The following ADAMTS18 variants were observed in gnomAD, a reference collection of about 807,000 sequenced individuals.
ADAMTS18 encodes ADAM metallopeptidase with thrombospondin type 1 motif 18, also known as A disintegrin and metalloproteinase with thrombospondin motifs 18.
A neutral mutation model predicts 165.9 loss-of-function variants in ADAMTS18; 157 were observed. The ratio of observed to expected loss-of-function variants is 0.95; its 90% CI spans 0.83 to 1.08. The LOEUF is 1.08. Ranked by LOEUF, ADAMTS18 falls within the 50% of genes least tolerant of loss-of-function variation. The pLI is 0.00. For missense variants in ADAMTS18, 2,040 were observed against 1,534.0 expected, an observed-to-expected ratio of 1.33 and a Z score of -5.51; for synonymous variants, 782 against 578.2, an observed-to-expected ratio of 1.35 and a Z score of -5.06.
chr16:77,357,318 T>C (rs1343891010), intron 8 of ADAMTS18, among the ~76,000 whole-genome samples: 4 of 152,160 alleles, frequency 2.6e-5, no homozygotes, highest in Non-Finnish European at 4.4e-5. Flanking sequence ...GGCAACTGTA[T>C]GCTATCCTAT....
At position 77,283,635 on chromosome 16, in the gene ADAMTS18, C is replaced by T. The variant is rs947531862; in HGVS notation, c.*321G>A. ...CTTTGCCCTTGAACCCTTTGAAGTT[C>T]AAAAGGGGGTCTCTCCCCAAATCGA... On this transcript the variant is annotated 3_prime_UTR_variant, in exon 23 of 23. Transcript: ENST00000282849. 3.1e-6 allele frequency: 1 copy of T among 323,996 alleles called. No individual in the cohort carries two copies. The highest frequency in any genetic ancestry group is 5.9e-6 in the Non-Finnish European group (1 of 168,914). The allele number at this position is 323,996 out of a possible 1,614,324, so 20.1% of individuals were successfully genotyped here.
At chr16:77,426,725 A>C (rs117384511) in intron 3 of ADAMTS18, among the ~76,000 whole-genome samples, 1 of 152,200 alleles carries the variant, frequency 6.6e-6, no homozygotes, top group South Asian at 2.1e-4. Flanking sequence ...TAGTTGTCCA[A>C]TGAAAAAAGG....
chr16:77,315,228 A>C (rs1204492259), intron 16 of ADAMTS18, among the ~76,000 whole-genome samples: 1 of 152,134 alleles, frequency 6.6e-6, no homozygotes, highest in African/African-American at 2.4e-5. Flanking sequence ...TTGAAATCTG[A>C]ATAATAGATT....
At chr16:77,403,811 A>G (rs1432167558) in intron 3 of ADAMTS18, among the ~76,000 whole-genome samples, 4 of 152,320 alleles carry the variant, frequency 2.6e-5, no homozygotes, top group Non-Finnish European at 5.9e-5. Flanking sequence ...TAACCAAGGA[A>G]TCACACAATT....
At chr16:77,323,639 C>T (rs1036833556) in intron 13 of ADAMTS18, among the ~76,000 whole-genome samples, 7 of 151,484 alleles carry the variant, frequency 4.6e-5, no homozygotes, top group Non-Finnish European at 1.0e-4. Flanking sequence ...GGGAAAAAAC[C>T]TCACTCCTGT....
At chr16:77,371,771 G>C (rs1286571544) in intron 3 of ADAMTS18, among the ~76,000 whole-genome samples, 2 of 152,058 alleles carry the variant, frequency 1.3e-5, no homozygotes, top group Non-Finnish European at 2.9e-5. Context: ...ACAGAGAAAT[G>C]GAAGTGTATC....
chr16:77,415,197 A>C (rs1772143814), intron 3 of ADAMTS18, among the ~76,000 whole-genome samples: 2 of 152,256 alleles, frequency 1.3e-5, no homozygotes, highest in Admixed American at 6.5e-5. Flanking sequence ...TCTACCTGTC[A>C]GCCAGTATAT....
At chr16:77,365,271 T>C (rs1380214731) in intron 4 of ADAMTS18, among the ~76,000 whole-genome samples, 1 of 152,226 alleles carries the variant, frequency 6.6e-6, no homozygotes, top group East Asian at 1.9e-4. Context: ...AAAATGCTCA[T>C]TTTACTACTC....
At chr16:77,300,042 G>T (rs1426299455) in intron 17 of ADAMTS18, 61 of 517,450 alleles carry the variant, frequency 1.2e-4, no homozygotes, top group Non-Finnish European at 1.1e-4. Context: ...TGTAACTTTT[G>T]AGCCTTGGTT....
intron 3 of ADAMTS18, among the ~76,000 whole-genome samples, chr16:77,373,364 C>T (rs2056903347): frequency 1.3e-5 from 2 of 151,212 alleles, no homozygotes; most frequent in African/African-American, 4.9e-5. Flanking sequence ...GAGGCTGAGG[C>T]AGGACAATCG....
At chr16:77,431,031 T>G (rs2057732578) in intron 3 of ADAMTS18, among the ~76,000 whole-genome samples, 1 of 152,020 alleles carries the variant, frequency 6.6e-6, no homozygotes, top group Non-Finnish European at 1.5e-5. Context: ...TTAATTTCCT[T>G]GGGGATCATC....
At chr16:77,369,906 A>G (rs1216076746) in intron 3 of ADAMTS18, among the ~76,000 whole-genome samples, 2 of 152,206 alleles carry the variant, frequency 1.3e-5, no homozygotes, top group African/African-American at 2.4e-5. Flanking sequence ...AGTGGAATTC[A>G]TCTCAGGGTT....
chr16:77,375,060 A>G (rs2056929319), intron 3 of ADAMTS18, among the ~76,000 whole-genome samples: 1 of 152,136 alleles, frequency 6.6e-6, no homozygotes, highest in Non-Finnish European at 1.5e-5. Flanking sequence ...GATATCGAAA[A>G]CAAGCAAAGT....
At chr16:77,423,087 C>T (rs2057624827) in intron 3 of ADAMTS18, among the ~76,000 whole-genome samples, 1 of 152,218 alleles carries the variant, frequency 6.6e-6, no homozygotes, top group African/African-American at 2.4e-5. Flanking sequence ...GGGACCCACA[C>T]ATATTTTTCT....
At chr16:77,366,035 G>A (rs1033228659) in intron 4 of ADAMTS18, among the ~76,000 whole-genome samples, 1 of 152,160 alleles carries the variant, frequency 6.6e-6, no homozygotes, top group African/African-American at 2.4e-5. Flanking sequence ...CTAAATGGAT[G>A]CCCCTTAATG....
chr16:77,361,019 G>A (rs1387875438), intron 7 of ADAMTS18, among the ~76,000 whole-genome samples: 2 of 152,172 alleles, frequency 1.3e-5, no homozygotes, highest in African/African-American at 2.4e-5. Context: ...ATGGGAGGCA[G>A]AGGTTGCAGT....
Position 77,291,483 on chromosome 16 carries a change from G to T in ADAMTS18, c.3190-5C>A, listed in dbSNP as rs1193828875. ...CAAACCACAGGTTGCAGAACACTAG[G>T]AGCCAAGACAGGATGTGTAAAAGTG... is the stretch of plus-strand genomic sequence containing the variant. On this transcript the variant is annotated splice_polypyrimidine_tract_variant and splice_region_variant and intron_variant, in intron 20 of 22. Transcript: ENST00000282849. 1.2e-6 allele frequency: 2 copies of T among 1,613,860 alleles called. No homozygotes were observed. The highest frequency in any genetic ancestry group is 1.7e-6 in the Non-Finnish European group (2 of 1,179,922).
In ADAMTS18 at chr16:77,343,816, G is replaced by A. The variant is rs532476684; in HGVS notation, c.1615-2017C>T. Among the ~76,000 whole-genome samples, 4 of 152,286 alleles carry A rather than the reference G, an allele frequency of 2.6e-5. No individual in the cohort carries two copies. The South Asian group carries it at 8.3e-4, about 32-fold the overall frequency. ...CTAATGGAATGTTGTGAAACATTGT[G>A]AAAGGTCAAAGTGACCCCATTTTGG... On this transcript the variant is annotated intron_variant, in intron 10 of 22. Transcript: ENST00000282849.
intron 3 of ADAMTS18, among the ~76,000 whole-genome samples, chr16:77,397,530 G>A (rs1040580742): frequency 6.6e-6 from 1 of 152,156 alleles, no homozygotes; most frequent in African/African-American, 2.4e-5. Flanking sequence ...AGTTATGTAG[G>A]TCTCATAGAA....
Sources: gnomAD v4.1 joint callset for allele counts (sites outside exome capture counted in the v4.1 genomes callset) on GRCh38, gnomAD v4.1.1 for gene constraint, MANE v1.5 for transcripts, NCBI Gene and HGNC (gene_info 2026-07-23, HGNC 2026-07-21) for gene names.